HPD: variants seen among roughly 807,000 people sequenced by gnomAD.
The protein encoded by HPD is 4-hydroxyphenylpyruvate dioxygenase.
A neutral mutation model predicts 56.9 loss-of-function variants in HPD; 35 were observed. The ratio of observed to expected loss-of-function variants is 0.62; its 90% CI spans 0.47 to 0.82. The LOEUF (loss-of-function observed/expected upper bound fraction) is 0.82, where lower values mean the gene tolerates loss of function less well. HPD is among the 40% of genes least tolerant of loss of function. The pLI is 0.00. For synonymous variants in HPD, 186 were observed against 200.2 expected (o/e 0.93, Z 0.60); for missense variants, 442 against 506.8 (o/e 0.87, Z 1.23).
chr12:121,845,232 A>G (rs1877539398), intron 11 of HPD, among the ~76,000 whole-genome samples: 1 of 149,580 alleles, frequency 6.7e-6, no homozygotes. Flanking sequence ...CTCCTACTTC[A>G]GACTTCTGGG....
the HPD span, among the ~76,000 whole-genome samples, chr12:121,872,161 C>T: frequency 6.7e-6 from 1 of 148,312 alleles, no homozygotes; most frequent in Non-Finnish European, 1.5e-5. Context: ...ATTGCTTGAA[C>T]CTGGGAGGCG....
chr12:121,857,404 C>A lies in HPD; in HGVS notation c.122G>T (p.Gly41Val). 6.2e-7 allele frequency: 1 copy of A among 1,613,878 alleles called. No individual in the cohort carries two copies. The highest frequency in any genetic ancestry group is 8.5e-7 in the Non-Finnish European group (1 of 1,179,752). ...QATSFYCSKM[G>V]FEPLAYRGLE... ...GCCCCTGTAGGCTAGAGGTTCAAAGCCCATCTTGCTGCAGTAGAATGACGT... is the reference window on the plus strand; with the variant it reads ...GCCCCTGTAGGCTAGAGGTTCAAAGACCATCTTGCTGCAGTAGAATGACGT... Residue 41 changes from glycine (G) to valine (V), a missense_variant, in exon 4 of 14, where the codon GGC (glycine) becomes GTC (valine). Coordinates refer to ENST00000289004, the MANE Select transcript of HPD (RefSeq NM_002150.3).
intron 2 of HPD, 106 bp from the exon 3 acceptor site, chr12:121,857,925 C>G: frequency 1.2e-6 from 1 of 861,090 alleles, no homozygotes; most frequent in Non-Finnish European, 1.9e-6. Context: ...GCCTCAACCA[C>G]AGAACTTAGG....
intron 9 of HPD, among the ~76,000 whole-genome samples, chr12:121,847,931 A>G (rs1326874644): frequency 1.3e-5 from 2 of 152,144 alleles, no homozygotes; most frequent in East Asian, 1.9e-4. Flanking sequence ...CCAAAGTACT[A>G]AGATTCCAAA....
chr12:121,849,138 T>C, intron 8 of HPD, 62 bp from the exon 9 acceptor site: 1 of 964,430 alleles, frequency 1.0e-6, no homozygotes, highest in Non-Finnish European at 1.7e-6. Flanking sequence ...CCCTTCTCCA[T>C]GACCCCTCAA....
chr12:121,875,765 C>T, the HPD span, among the ~76,000 whole-genome samples: 3 of 152,086 alleles, frequency 2.0e-5, no homozygotes, highest in Non-Finnish European at 4.4e-5. Flanking sequence ...AGTCATTGAA[C>T]TTGGGGTTAA....
intron 8 of HPD, among the ~76,000 whole-genome samples, chr12:121,849,464 G>A (rs1281200509): frequency 2.0e-5 from 3 of 152,148 alleles, no homozygotes; most frequent in Non-Finnish European, 4.4e-5. Context: ...TGAAATGGCT[G>A]TGAAGTAACA....
Position 121,843,728 on chromosome 12 carries a change from C to T in HPD, c.936G>A (p.Glu312=). ...KLKTAKIKVK[E]NIDALEELKI... ...GCCTCACCTCCAGGGCATCAATGTT[C>T]TCCTTCACCTTGATCTTGGCCGTCT... The change falls in exon 12 of 14, where the codon GAG becomes GAA. Residue 312 remains glutamate (E), a synonymous_variant. Coordinates refer to ENST00000289004, the MANE Select transcript of HPD (RefSeq NM_002150.3). 1.2e-6 allele frequency: 2 copies of T among 1,614,124 alleles called. No individual in the cohort carries two copies. Among genetic ancestry groups the T allele is most frequent in the Non-Finnish European group, 1.7e-6 (2 of 1,180,004 alleles).
the HPD span, among the ~76,000 whole-genome samples, chr12:121,882,790 G>A: frequency 3.6e-4 from 54 of 152,108 alleles, no homozygotes; most frequent in Non-Finnish European, 4.3e-4. Context: ...TGCCCAGGCT[G>A]GAGTACAGTG....
At chr12:121,880,990 G>A in the HPD span, among the ~76,000 whole-genome samples, 94 of 152,076 alleles carry the variant, frequency 6.2e-4, no homozygotes, top group African/African-American at 1.8e-3. Flanking sequence ...GTAGGATTTC[G>A]CCATGTTGGC....
chr12:121,856,991 T>G, intron 4 of HPD: 1 of 493,388 alleles, frequency 2.0e-6, no homozygotes. Context: ...GGAAGGGCCG[T>G]GTTGCATGGC....
At chr12:121,883,436 C>T in the HPD span, among the ~76,000 whole-genome samples, 1 of 151,554 alleles carries the variant, frequency 6.6e-6, no homozygotes. Flanking sequence ...GAAGAGGTGG[C>T]GGGGTAGGAG....
upstream of HPD, among the ~76,000 whole-genome samples, chr12:121,865,593 G>GAAA (rs749573130): frequency 6.8e-6 from 1 of 146,868 alleles, no homozygotes; most frequent in Admixed American, 6.9e-5. Context: ...CAAAAAAAAG[G>GAAA]AAAAAAAAAA....
the HPD span, among the ~76,000 whole-genome samples, chr12:121,869,793 G>C: frequency 6.6e-6 from 1 of 152,140 alleles, no homozygotes; most frequent in Non-Finnish European, 1.5e-5. Flanking sequence ...CCAAAGTGCT[G>C]GAATTACTGG....
the HPD span, among the ~76,000 whole-genome samples, chr12:121,885,955 C>T: frequency 1.1e-4 from 17 of 150,750 alleles, no homozygotes; most frequent in Non-Finnish European, 1.9e-4. Flanking sequence ...CCACCACGCC[C>T]GGATAATTTT....
the HPD span, among the ~76,000 whole-genome samples, chr12:121,872,022 G>A: frequency 1.3e-5 from 2 of 150,724 alleles, no homozygotes; most frequent in Admixed American, 1.3e-4. Flanking sequence ...CACAAGGTCA[G>A]GAGTTCAAGA....
the HPD span, among the ~76,000 whole-genome samples, chr12:121,884,442 C>T: frequency 2.0e-5 from 3 of 152,036 alleles, no homozygotes; most frequent in Non-Finnish European, 4.4e-5. Context: ...GGATTACGGG[C>T]GTGAACCATC....
the HPD span, among the ~76,000 whole-genome samples, chr12:121,870,547 G>C: frequency 5.1e-3 from 757 of 148,796 alleles, 12 homozygotes; most frequent in African/African-American, 0.018. Flanking sequence ...TGATCTCATT[G>C]TCAGGGGGTT....
At chr12:121,859,950 G>A (rs955821775), upstream of HPD, among the ~76,000 whole-genome samples, 1 of 152,192 alleles carries the variant, frequency 6.6e-6, no homozygotes, top group Non-Finnish European at 1.5e-5. Flanking sequence ...CTTGAGGCCA[G>A]GAGTTTGAGA....
Sources: gnomAD v4.1 joint callset for allele counts (sites outside exome capture counted in the v4.1 genomes callset) on GRCh38, gnomAD v4.1.1 for gene constraint, MANE v1.5 for transcripts, NCBI Gene and HGNC (gene_info 2026-07-23, HGNC 2026-07-21) for gene names.